CDC14A: variants seen among roughly 807,000 people sequenced by gnomAD.
CDC14A encodes cell division cycle 14A, also known as dual specificity protein phosphatase CDC14A.
Under a neutral mutation model 74.4 loss-of-function variants are expected in CDC14A, and 53 were observed. The observed-to-expected ratio is 0.71, with a 90% CI of 0.57 to 0.89. CDC14A has a LOEUF of 0.89. Among genes scored for constraint, CDC14A ranks in the 40% least tolerant of loss-of-function variants. The pLI is 0.00. For synonymous variants in CDC14A, 247 were observed against 258.4 expected (o/e 0.96, Z 0.43); for missense variants, 646 against 713.7 (o/e 0.91, Z 1.08).
Position 100,497,964 on chromosome 1 carries a change from T to A in CDC14A, c.1299-121T>A. On this transcript the variant is annotated intron_variant, in intron 13 of 15. Transcript: ENST00000336454. ...TCAGTGGTGGCTGCCGCTGCTGTCA[T>A]CACTATTAGGACCTGTCATGATATC... The A allele has an allele frequency of 2.9e-6, 3 of 1,018,174 alleles. No homozygotes were observed. In the African/African-American group the frequency reaches 4.8e-5, roughly 16 times the overall value. The allele number at this position is 1,018,174 out of a possible 1,614,324, so 63.1% of individuals were successfully genotyped here. A position where few individuals can be genotyped will look rare whatever the true frequency, so the allele number is the denominator to read the frequency against.
chr1:100,448,127 A>G (rs1204391255), intron 7 of CDC14A, among the ~76,000 whole-genome samples: 1 of 152,182 alleles, frequency 6.6e-6, no homozygotes, highest in Non-Finnish European at 1.5e-5. Flanking sequence ...GCTTACATTT[A>G]TTACCCCATT....
Position 100,352,979 on chromosome 1 carries a change from A to C in CDC14A, c.25A>C (p.Ile9Leu). The change falls in exon 1 of 16, where the codon ATC becomes CTC. Residue 9 changes from isoleucine (I) to leucine (L), a missense_variant. By Grantham distance (5) the Ile-to-Leu change is conservative. Transcript: ENST00000336454. MAAESGEL[I>L]GACEFMKDRL... ...GATGGCAGCGGAGTCAGGGGAACTA[A>C]TCGGGGCTTGTGAGTTCATGAAAGG... The C allele has an allele frequency of 6.2e-7, 1 of 1,614,074 alleles. No individual in the cohort carries two copies. The highest frequency in any genetic ancestry group is 8.5e-7 in the Non-Finnish European group (1 of 1,179,996).
chr1:100,467,813 A>G (rs1333432110), intron 9 of CDC14A, 143 bp from the exon 10 acceptor site: 20 of 774,474 alleles, frequency 2.6e-5, no homozygotes, highest in Non-Finnish European at 3.3e-5. Flanking sequence ...TGGGTTTTAC[A>G]TGATAGCAGT....
At chr1:100,470,004 G>A (rs759671109) in intron 10 of CDC14A, among the ~76,000 whole-genome samples, 18 of 152,104 alleles carry the variant, frequency 1.2e-4, no homozygotes, top group Non-Finnish European at 2.5e-4. Flanking sequence ...TATAAAATGA[G>A]TAAATGATTT....
intron 4 of CDC14A, chr1:100,393,566 C>G: frequency 1.4e-6 from 1 of 735,796 alleles, no homozygotes; most frequent in Non-Finnish European, 2.6e-6. Flanking sequence ...TCAGGTAGTT[C>G]ATAGTAGGTT....
intron 10 of CDC14A, among the ~76,000 whole-genome samples, chr1:100,468,809 T>G (rs955600485): frequency 6.6e-6 from 1 of 152,200 alleles, no homozygotes; most frequent in Middle Eastern, 3.2e-3. Context: ...GAAGATGAAG[T>G]TAGTACTGGT....
intron 7 of CDC14A, among the ~76,000 whole-genome samples, chr1:100,448,007 A>G (rs1665743803): frequency 6.6e-6 from 1 of 152,180 alleles, no homozygotes; most frequent in Admixed American, 6.5e-5. Flanking sequence ...CCATGGTTTG[A>G]TGATGGAAGT....
chr1:100,386,153 T>A (rs1656830194), intron 3 of CDC14A, among the ~76,000 whole-genome samples: 1 of 148,028 alleles, frequency 6.8e-6, no homozygotes, highest in African/African-American at 2.5e-5. Flanking sequence ...GGTGACAGAG[T>A]GAGATAGTAT....
At chr1:100,455,691 T>G (rs1641153355) in intron 8 of CDC14A, among the ~76,000 whole-genome samples, 199 bp downstream of exon 8, 1 of 152,222 alleles carries the variant, frequency 6.6e-6, no homozygotes, top group Non-Finnish European at 1.5e-5. Flanking sequence ...GTTTTAGAAC[T>G]TAACAAATTT....
At chr1:100,439,715 G>A (rs1025906831) in intron 5 of CDC14A, among the ~76,000 whole-genome samples, 4 of 152,134 alleles carry the variant, frequency 2.6e-5, no homozygotes, top group Admixed American at 1.3e-4. Flanking sequence ...ACTCAGGAAC[G>A]CAGGCTCTTA....
chr1:100,448,790 C>T (rs914654210), intron 7 of CDC14A, among the ~76,000 whole-genome samples: 8 of 152,204 alleles, frequency 5.3e-5, no homozygotes. Context: ...TTAAATGCCT[C>T]ATGTTTGCTC....
At chr1:100,413,581 A>G (rs1661148443) in intron 4 of CDC14A, among the ~76,000 whole-genome samples, 2 of 152,246 alleles carry the variant, frequency 1.3e-5, no homozygotes, top group Admixed American at 1.3e-4. Context: ...CGAGGAGATC[A>G]CAGACTGCCT....
At chr1:100,442,359 T>C (rs914831756) in intron 6 of CDC14A, among the ~76,000 whole-genome samples, 16 of 146,252 alleles carry the variant, frequency 1.1e-4, no homozygotes, top group African/African-American at 3.7e-4. Flanking sequence ...TACTATATTA[T>C]ATATAGTATA....
Position 100,352,771 on chromosome 1 carries a change from CCCCGGGGCG to C in CDC14A, c.-178_-170del. 7.0e-7 allele frequency: 1 copy of C among 1,420,866 alleles called. No individual in the cohort carries two copies. Among genetic ancestry groups the C allele is most frequent in the Non-Finnish European group, 9.1e-7 (1 of 1,093,966 alleles). The allele number at this position is 1,420,866 out of a possible 1,614,324, so 88.0% of individuals were successfully genotyped here. A position where few individuals can be genotyped will look rare whatever the true frequency, so the allele number is the denominator to read the frequency against. On this transcript the variant is annotated 5_prime_UTR_variant, in exon 1 of 16. Transcript: ENST00000336454. ...CGAGCTCGGGTTCCCCTCGGAATGT[CCCCGGGGCG>C]CCCGGCGCGCTGACCCCGAAGCCGC...
intron 4 of CDC14A, among the ~76,000 whole-genome samples, chr1:100,399,431 T>C (rs1295739934): frequency 6.6e-6 from 1 of 152,170 alleles, no homozygotes; most frequent in African/African-American, 2.4e-5. Flanking sequence ...TTGGAGCATA[T>C]TGCTATACTT....
At chr1:100,468,947 CG>C (rs1165707476) in intron 10 of CDC14A, among the ~76,000 whole-genome samples, 10 of 151,300 alleles carry the variant, frequency 6.6e-5, no homozygotes, top group African/African-American at 2.4e-4. Flanking sequence ...TTTGTAGAGA[CG>C]GGGGCCTCAC....
In CDC14A at chr1:100,498,113, G is replaced by A. The variant is rs766474397; in HGVS notation, c.1327G>A (p.Val443Ile). The A allele has an allele frequency of 1.9e-6, 3 of 1,614,082 alleles. No individual in the cohort carries two copies. Among genetic ancestry groups the A allele is most frequent in the Non-Finnish European group, 2.5e-6 (3 of 1,179,976 alleles). ...RLSSSLQGSA[V>I]TLKTSKMALS... ...AAGTTCATCCCTGCAAGGATCTGCA[G>A]TTACTTTGAAGACATCAAAAATGGC... The change falls in exon 14 of 16, where the codon GTT (valine) becomes ATT (isoleucine). Residue 443 changes from valine (V) to isoleucine (I), a missense_variant. Physicochemically the swap from Val to Ile is conservative, Grantham distance 29. Coordinates refer to ENST00000336454, the MANE Select transcript of CDC14A (RefSeq NM_003672.4).
intron 7 of CDC14A, among the ~76,000 whole-genome samples, chr1:100,454,966 A>G (rs1162691987): frequency 6.6e-6 from 1 of 152,160 alleles, no homozygotes; most frequent in African/African-American, 2.4e-5. Flanking sequence ...CTATAAAAAG[A>G]GAAAAAAAAT....
chr1:100,488,036 G>C (rs2101380196), intron 11 of CDC14A, among the ~76,000 whole-genome samples: 1 of 152,254 alleles, frequency 6.6e-6, no homozygotes, highest in Admixed American at 6.5e-5. Flanking sequence ...CATGAAATTG[G>C]TAATAATCTA....
Sources: gnomAD v4.1 joint callset for allele counts (sites outside exome capture counted in the v4.1 genomes callset) on GRCh38, gnomAD v4.1.1 for gene constraint, MANE v1.5 for transcripts, NCBI Gene and HGNC (gene_info 2026-07-23, HGNC 2026-07-21) for gene names.